TMC6: variants seen among roughly 807,000 people sequenced by gnomAD.
The protein encoded by TMC6 is transmembrane channel like 6.
Under a neutral mutation model 95.4 loss-of-function variants are expected in TMC6, and 71 were observed. The ratio of observed to expected loss-of-function variants is 0.74; its 90% CI spans 0.61 to 0.91. TMC6 has a LOEUF of 0.91. Among genes scored for constraint, TMC6 ranks in the 40% least tolerant of loss-of-function variants. The pLI is 0.00. For missense variants in TMC6, 1,074 were observed against 1,079.1 expected, an observed-to-expected ratio of 1.00 and a Z score of 0.07; for synonymous variants, 514 against 483.1, an observed-to-expected ratio of 1.06 and a Z score of -0.84.
At position 78,125,758 on chromosome 17, in the gene TMC6, A is replaced by G; in HGVS notation, c.398T>C (p.Leu133Pro). 1 of 1,568,582 alleles carries G rather than the reference A, an allele frequency of 6.4e-7. No homozygotes were observed. Among genetic ancestry groups the G allele is most frequent in the South Asian group, 1.2e-5 (1 of 85,350 alleles). ...CTCCAGGGCCGTGGGGTCCAGCTCC[A>G]GGTCGTACAGGCGGAGGCTGGGCCA... Reference protein sequence around the residue: ...SAWPSLRLYDLELDPTALEEE... With the variant: ...SAWPSLRLYDPELDPTALEEE... The change falls in exon 5 of 20, where the codon CTG becomes CCG. Residue 133 changes from leucine to proline, a missense_variant. Physicochemically the swap from Leu to Pro is moderately conservative, Grantham distance 98. Coordinates refer to ENST00000590602, the MANE Select transcript of TMC6 (RefSeq NM_001127198.5).
intron 17 of TMC6, 53 bp downstream of exon 17, chr17:78,117,415 G>A: frequency 1.2e-6 from 2 of 1,611,340 alleles, no homozygotes; most frequent in South Asian, 1.1e-5. Context: ...CCCACACGGT[G>A]CAGGCCCAGC....
rs2074311073 is a variant in TMC6, at chr17:78,119,654, A to C, written c.1716-262T>G. ...GCACCAAATGATTTTTTCTTTTTTGAAACAGGGTCTGGCTCTGTTGTCCGG... is the reference window on the plus strand; with the variant it reads ...GCACCAAATGATTTTTTCTTTTTTGCAACAGGGTCTGGCTCTGTTGTCCGG... On this transcript the variant is annotated intron_variant, in intron 13 of 19. Coordinates refer to ENST00000590602, the MANE Select transcript of TMC6 (RefSeq NM_001127198.5). 8.3e-5 allele frequency: 44 copies of C among 527,308 alleles called. No homozygotes were observed. In the South Asian group the frequency reaches 8.4e-4, roughly 10 times the overall value. 32.7% of individuals were successfully genotyped at this position (527,308 alleles called of 1,614,324 possible).
rs1275862535 is a variant in TMC6, at chr17:78,109,533, A to C, written c.*3615T>G. ...CCAGAAGCAGACACTCAGGAGGCTG[A>C]GGCGGGAGGATCACCTGAGCCCAGG... On this transcript the variant is annotated 3_prime_UTR_variant, in exon 20 of 20. Transcript: ENST00000590602. The C allele has an allele frequency of 2.2e-6, 1 of 456,510 alleles. No individual in the cohort carries two copies. The highest frequency in any genetic ancestry group is 2.0e-5 in the African/African-American group (1 of 50,052). The allele number at this position is 456,510 out of a possible 1,614,324, so 28.3% of individuals were successfully genotyped here.
intron 18 of TMC6, among the ~76,000 whole-genome samples, chr17:78,115,934 A>G (rs572964531): frequency 1.5e-4 from 22 of 149,084 alleles, no homozygotes; most frequent in South Asian, 6.4e-4. Context: ...GGGCACAGGG[A>G]CCAGCTGCCG....
chr17:78,131,540 C>A (rs756036670), upstream of TMC6: 2 of 1,533,834 alleles, frequency 1.3e-6, no homozygotes, highest in Admixed American at 2.0e-5. Flanking sequence ...GGACTCATAT[C>A]CCCCCCACCG....
intron 13 of TMC6, 32 bp downstream of exon 13, chr17:78,120,621 C>T: frequency 1.2e-6 from 2 of 1,613,972 alleles, no homozygotes; most frequent in South Asian, 2.2e-5. Flanking sequence ...GGGGAGAACA[C>T]TCACCACCCA....
At chr17:78,119,167 G>T (rs952409052) in intron 14 of TMC6, 121 bp from the exon 15 acceptor site, 28 of 1,495,094 alleles carry the variant, frequency 1.9e-5, no homozygotes, top group Non-Finnish European at 2.5e-5. Context: ...CGGGGTTAGG[G>T]TCTGCATCAC....
chr17:78,125,854 T>G lies in TMC6; in HGVS notation c.302A>C (p.Tyr101Ser), dbSNP rs145262917. The G allele has an allele frequency of 6.4e-6, 10 of 1,551,476 alleles. No homozygotes were observed. Among genetic ancestry groups the G allele is most frequent in the Non-Finnish European group, 8.7e-6 (10 of 1,147,432 alleles). Reference protein sequence around the residue: ...GRSRGAIISQYYNRTVQLRCR... With the variant: ...GRSRGAIISQSYNRTVQLRCR... Reference sequence around the variant, plus strand: ...CCGAAGCTGCACCGTGCGGTTGTAGTACTGGGAGATGATGGCACCTCGGCT... The same window carrying G: ...CCGAAGCTGCACCGTGCGGTTGTAGGACTGGGAGATGATGGCACCTCGGCT... Residue 101 changes from tyrosine (Y) to serine (S), a missense_variant, in exon 5 of 20, where the codon TAC (tyrosine) becomes TCC (serine). Transcript: ENST00000590602.
At position 78,124,049 on chromosome 17, in the gene TMC6, A is replaced by C. The variant is rs1475070141; in HGVS notation, c.1022T>G (p.Leu341Arg). The change falls in exon 9 of 20, where the codon CTG becomes CGG. Residue 341 changes from leucine to arginine, a missense_variant. Leu to Arg is a moderately radical substitution (Grantham distance 102). Transcript: ENST00000590602. ...CACGCCCACAGTGGAGAGGTAGGCC[A>C]GGGGCATGTTGTAGGGCAGGCCACC... ...RVGGLPYNMP[L>R]AYLSTVGVSF... 6.2e-7 allele frequency: 1 copy of C among 1,613,680 alleles called. No individual in the cohort carries two copies. Among genetic ancestry groups the C allele is most frequent in the East Asian group, 2.2e-5 (1 of 44,892 alleles).
At chr17:78,113,998 A>T (rs1203730640) in intron 18 of TMC6, 1 of 343,472 alleles carries the variant, frequency 2.9e-6, no homozygotes, top group East Asian at 7.6e-5. Context: ...CACAGGGTTT[A>T]CATTAGTTTC....
rs1440520809 is a variant in TMC6 at position 78,109,837 on chromosome 17, C to T, written c.*3311G>A. The stretch of plus-strand genomic sequence containing the variant: ...ATCCCAGCACTTTGGGAGTCCGAGG[C>T]GGGCGGATCACCTGAGGTCAGGAGT... On this transcript the variant is annotated 3_prime_UTR_variant, in exon 20 of 20. Coordinates refer to ENST00000590602, the MANE Select transcript of TMC6 (RefSeq NM_001127198.5). 13 of 326,330 alleles carry T rather than the reference C, an allele frequency of 4.0e-5. No individual in the cohort carries two copies. Among genetic ancestry groups the T allele is most frequent in the Middle Eastern group, 1.0e-3 (2 of 1,916 alleles). The allele number at this position is 326,330 out of a possible 1,614,324, so 20.2% of individuals were successfully genotyped here.
At position 78,126,489 on chromosome 17, in the gene TMC6, G is replaced by A; in HGVS notation, c.181+35C>T. On this transcript the variant is annotated intron_variant, in intron 3 of 19. Coordinates refer to ENST00000590602, the MANE Select transcript of TMC6 (RefSeq NM_001127198.5). ...TGAGGGGCTGGGGCACCCAAGTCTT[G>A]GTCCACACCACCCAGCATCCAGGCC... 1.9e-6 allele frequency: 3 copies of A among 1,611,890 alleles called. No individual in the cohort carries two copies. In the South Asian group the frequency reaches 3.3e-5, roughly 18 times the overall value.
At position 78,109,278 on chromosome 17, in the gene TMC6, A is replaced by C. The variant is rs2073776506; in HGVS notation, c.*3870T>G. The C allele has an allele frequency of 1.9e-5, 7 of 359,972 alleles. No homozygotes were observed. Among genetic ancestry groups the C allele is most frequent in the South Asian group, 1.2e-4 (6 of 48,838 alleles). The allele number at this position is 359,972 out of a possible 1,614,324, so 22.3% of individuals were successfully genotyped here. On this transcript the variant is annotated 3_prime_UTR_variant, in exon 20 of 20. Coordinates refer to ENST00000590602, the MANE Select transcript of TMC6 (RefSeq NM_001127198.5). Reference sequence around the variant, plus strand: ...CATGGCGAGCCCCGACTGAGTGTTCAGTGAAGAGGGAAAACAGAGACAGTG... The same window carrying C: ...CATGGCGAGCCCCGACTGAGTGTTCCGTGAAGAGGGAAAACAGAGACAGTG...
intron 6 of TMC6, 42 bp from the exon 7 acceptor site, chr17:78,125,027 G>A (rs377552489): frequency 2.8e-5 from 44 of 1,550,590 alleles, no homozygotes; most frequent in Non-Finnish European, 3.8e-5. Context: ...CCAATGAGGG[G>A]CCTGACTCTC....
At chr17:78,113,290 G>A (rs549323693) in intron 19 of TMC6, 79 bp from the exon 20 acceptor site, 57 of 1,476,978 alleles carry the variant, frequency 3.9e-5, no homozygotes, top group East Asian at 9.9e-5. Context: ...GCCAAGGCCC[G>A]GCGAGGGACA....
chr17:78,123,748 ATGGGTGGGTGAATTGAGTGGGTGGATGGG>A (rs1375307809), intron 9 of TMC6, among the ~76,000 whole-genome samples: 6 of 118,020 alleles, frequency 5.1e-5, no homozygotes, highest in Middle Eastern at 7.7e-3. Flanking sequence ...GAATGGGTAA[ATGGGTGGGTGAATTGAGTGGGTGGATGGG>A]TGGGTGGATG....
At chr17:78,131,502 G>C (rs2074963729), upstream of TMC6, 1 of 1,520,160 alleles carries the variant, frequency 6.6e-7, no homozygotes. Context: ...AGAGGCCATA[G>C]CCAAGGCCTT....
chr17:78,124,417 CGGGG>C (rs2074589410), intron 8 of TMC6, 103 bp downstream of exon 8: 1 of 1,545,666 alleles, frequency 6.5e-7, no homozygotes, highest in Non-Finnish European at 8.7e-7. Flanking sequence ...GGAGTCACAG[CGGGG>C]CAAGGGTTGG....
At chr17:78,127,215 A>G (rs2074763178) in intron 1 of TMC6, among the ~76,000 whole-genome samples, 1 of 152,176 alleles carries the variant, frequency 6.6e-6, no homozygotes, top group Non-Finnish European at 1.5e-5. Context: ...GCCTGTAGAC[A>G]CAGCCCCTTT....
Sources: allele counts gnomAD v4.1 joint callset (sites outside exome capture counted in the v4.1 genomes callset), GRCh38; gene constraint gnomAD v4.1.1; transcripts MANE v1.5; gene names NCBI Gene and HGNC (gene_info 2026-07-23, HGNC 2026-07-21).